Variants in WRN observed in about 807,000 individuals in gnomAD.
WRN encodes the protein bifunctional 3'-5' exonuclease/ATP-dependent helicase WRN.
Under a neutral mutation model 180.7 loss-of-function variants are expected in WRN, and 149 were observed. The ratio of observed to expected loss-of-function variants is 0.82; its 90% CI spans 0.72 to 0.94. WRN has a LOEUF of 0.94. Among genes scored for constraint, WRN ranks in the 40% least tolerant of loss-of-function variants. WRN has a pLI of 0.00. For missense variants in WRN, 1,661 were observed against 1,700.1 expected (o/e 0.98, Z 0.40); for synonymous variants, 548 against 568.9 (o/e 0.96, Z 0.52).
intron 18 of WRN, among the ~76,000 whole-genome samples, chr8:31,108,223 C>A (rs1585466841): frequency 6.6e-6 from 1 of 152,204 alleles, no homozygotes; most frequent in East Asian, 1.9e-4. Context: ...AATTTATTAC[C>A]CAAAGCAGTT....
At chr8:31,131,704 G>A (rs1802179678) in intron 23 of WRN, 1 of 152,738 alleles carries the variant, frequency 6.5e-6, no homozygotes, top group African/African-American at 2.4e-5. Flanking sequence ...GGTTTACTAA[G>A]CGGTGTGGTG....
chr8:31,071,045 GAAA>G (rs3056744), intron 7 of WRN, among the ~76,000 whole-genome samples: 8 of 117,814 alleles, frequency 6.8e-5, no homozygotes, highest in African/African-American at 1.0e-4. Context: ...CTCTGTCTCA[GAAA>G]AAAAAAAAAA....
At chr8:31,083,217 T>C (rs1474359752) in intron 9 of WRN, among the ~76,000 whole-genome samples, 1 of 152,238 alleles carries the variant, frequency 6.6e-6, no homozygotes, top group Admixed American at 6.5e-5. Flanking sequence ...TTTTCAATTA[T>C]ATAGAGAATG....
At chr8:31,042,608 A>G (rs536259963) in intron 1 of WRN, among the ~76,000 whole-genome samples, 2 of 152,300 alleles carry the variant, frequency 1.3e-5, no homozygotes, top group Non-Finnish European at 2.9e-5. Flanking sequence ...CCAGTGTTTT[A>G]GGTTAACCCT....
chr8:31,107,555 A>T (rs1044947898), intron 18 of WRN, among the ~76,000 whole-genome samples: 3 of 151,958 alleles, frequency 2.0e-5, no homozygotes, highest in Admixed American at 6.6e-5. Context: ...GTTTTCAAGA[A>T]CCCTCTTTAT....
chr8:31,061,541 A>G, intron 3 of WRN, among the ~76,000 whole-genome samples: 1 of 83,988 alleles, frequency 1.2e-5, no homozygotes. Flanking sequence ...TTTTTTTTTT[A>G]ATTAGGCATT....
At chr8:31,038,325 A>C (rs1811524042) in intron 1 of WRN, among the ~76,000 whole-genome samples, 1 of 152,192 alleles carries the variant, frequency 6.6e-6, no homozygotes, top group Non-Finnish European at 1.5e-5. Context: ...TTTAATGACT[A>C]ATGATGTTGA....
intron 7 of WRN, among the ~76,000 whole-genome samples, chr8:31,073,556 T>C (rs1377093289): frequency 3.9e-5 from 6 of 152,136 alleles, no homozygotes; most frequent in Non-Finnish European, 5.9e-5. Context: ...TTGGGAAATA[T>C]GATCCCAAAG....
chr8:31,060,133 T>C (rs999759381), intron 3 of WRN, among the ~76,000 whole-genome samples: 1 of 152,176 alleles, frequency 6.6e-6, no homozygotes, highest in African/African-American at 2.4e-5. Flanking sequence ...TTTTAAAGGT[T>C]GCCTTGTAAA....
chr8:31,088,374 A>C (rs1163186199), intron 12 of WRN, among the ~76,000 whole-genome samples: 1 of 152,166 alleles, frequency 6.6e-6, no homozygotes, highest in Non-Finnish European at 1.5e-5. Context: ...TTGACCAAAG[A>C]TGTGGGTAAC....
Position 31,120,294 on chromosome 8 carries a change from C to A in WRN, c.2500C>A (p.Arg834Ser). 1 of 1,612,954 alleles carries A rather than the reference C, an allele frequency of 6.2e-7. No individual in the cohort carries two copies. The highest frequency in any genetic ancestry group is 8.5e-7 in the Non-Finnish European group (1 of 1,179,164). Residue 834 changes from arginine (R) to serine (S), a missense_variant, in exon 21 of 35, where the codon CGC becomes AGC. Transcript: ENST00000298139. ...AATGGGCATTAATAAAGCTGACATTCGCCAAGTCATTCATTACGGTGCTCC... is the reference window on the plus strand; with the variant it reads ...AATGGGCATTAATAAAGCTGACATTAGCCAAGTCATTCATTACGGTGCTCC... ...FGMGINKADI[R>S]QVIHYGAPKD...
chr8:31,114,893 G>GATTTTT lies in WRN; in HGVS notation c.2274-1461_2274-1460insATTTTT, dbSNP rs764937166. ...CTTTGAAAACATGTTTTTAAAATAA[G>GATTTTT]GTTTTTTTTTTTTTTTTTTTGACAT... On this transcript the variant is annotated intron_variant, in intron 19 of 34. Coordinates refer to ENST00000298139, the MANE Select transcript of WRN (RefSeq NM_000553.6). Among the ~76,000 whole-genome samples the GATTTTT allele has an allele frequency of 1.7e-3, 227 of 136,180 alleles. 2 individuals carry two copies. The highest frequency in any genetic ancestry group is 3.0e-3 in the Non-Finnish European group (192 of 63,452). 89.3% of individuals were successfully genotyped at this position (136,180 alleles called of 152,430 possible). A position where few individuals can be genotyped will look rare whatever the true frequency, so the allele number is the denominator to read the frequency against.
At position 31,146,936 on chromosome 8, in the gene WRN, C is replaced by T. The variant is rs189448626; in HGVS notation, c.3384-117C>T. 18 of 820,770 alleles carry T rather than the reference C, an allele frequency of 2.2e-5. No homozygotes were observed. In the East Asian group the frequency reaches 5.0e-4, roughly 23 times the overall value. The allele number at this position is 820,770 out of a possible 1,614,324, so 50.8% of individuals were successfully genotyped here. ...AAATAACAAATTACCTTACTGGTATCATGAAGAATAAATGTTTGTACTGAT... is the reference window on the plus strand; with the variant it reads ...AAATAACAAATTACCTTACTGGTATTATGAAGAATAAATGTTTGTACTGAT... On this transcript the variant is annotated intron_variant, in intron 28 of 34. Coordinates refer to ENST00000298139, the MANE Select transcript of WRN (RefSeq NM_000553.6).
intron 34 of WRN, among the ~76,000 whole-genome samples, chr8:31,168,471 G>A (rs73670481): frequency 0.032 from 3,987 of 125,218 alleles, 177 homozygotes; most frequent in African/African-American, 0.11. Flanking sequence ...AACATTTTTC[G>A]CTATTTCAGT....
intron 19 of WRN, among the ~76,000 whole-genome samples, chr8:31,114,502 T>C (rs1241076952): frequency 6.6e-6 from 1 of 152,222 alleles, no homozygotes; most frequent in Non-Finnish European, 1.5e-5. Flanking sequence ...TTCAAATTTT[T>C]ACATATTTTC....
At chr8:31,035,847 G>A (rs184857558) in intron 1 of WRN, among the ~76,000 whole-genome samples, 1 of 152,068 alleles carries the variant, frequency 6.6e-6, no homozygotes, top group East Asian at 1.9e-4. Flanking sequence ...TTACCTTTAG[G>A]ACTTTTTCAT....
At chr8:31,150,056 A>G (rs1407547459) in intron 30 of WRN, among the ~76,000 whole-genome samples, 1 of 152,216 alleles carries the variant, frequency 6.6e-6, no homozygotes, top group Non-Finnish European at 1.5e-5. Flanking sequence ...AATAAAGTGA[A>G]TATATGAGAT....
chr8:31,121,598 T>A (rs1378061465), intron 21 of WRN, among the ~76,000 whole-genome samples: 1 of 151,994 alleles, frequency 6.6e-6, no homozygotes, highest in African/African-American at 2.4e-5. Context: ...ATAACTGTGT[T>A]AAGTGTAATG....
intron 1 of WRN, among the ~76,000 whole-genome samples, chr8:31,034,653 T>C (rs1449015323): frequency 6.6e-6 from 1 of 152,158 alleles, no homozygotes; most frequent in Non-Finnish European, 1.5e-5. Context: ...AAAATTATAA[T>C]TTAAAGTGTT....
Sources: gnomAD v4.1 joint callset for allele counts (sites outside exome capture counted in the v4.1 genomes callset) on GRCh38, gnomAD v4.1.1 for gene constraint, MANE v1.5 for transcripts, NCBI Gene and HGNC (gene_info 2026-07-23, HGNC 2026-07-21) for gene names.